Variants in NCAM1 observed in about 807,000 individuals in gnomAD.
The protein encoded by NCAM1 is neural cell adhesion molecule 1, also known as antigen recognized by monoclonal antibody 5.1H11.
Under a neutral mutation model 109.8 loss-of-function variants are expected in NCAM1, and 14 were observed. That is an observed-to-expected ratio of 0.13 (90% CI 0.08 to 0.20). The LOEUF (loss-of-function observed/expected upper bound fraction) is 0.20, where lower values mean the gene tolerates loss of function less well. NCAM1 is among the 10% of genes least tolerant of loss of function. The pLI, the probability that NCAM1 is intolerant of heterozygous loss-of-function variation, is 1.00. For synonymous variants in NCAM1, 418 were observed against 442.9 expected (o/e 0.94, Z 0.70); for missense variants, 774 against 1,109.9 (o/e 0.70, Z 4.30).
chr11:113,137,548 C>G (rs1941645174), intron 1 of NCAM1, among the ~76,000 whole-genome samples: 1 of 152,158 alleles, frequency 6.6e-6, no homozygotes, highest in African/African-American at 2.4e-5. Context: ...TAAGACATCT[C>G]CAAAAATATG....
At chr11:112,973,721 A>G (rs531727349) in intron 1 of NCAM1, among the ~76,000 whole-genome samples, 1 of 152,212 alleles carries the variant, frequency 6.6e-6, no homozygotes, top group South Asian at 2.1e-4. Context: ...TTTTTCCCAT[A>G]TCCTTTCTTT....
chr11:113,263,030 T>A (rs1430758309), intron 17 of NCAM1: 1 of 1,518,596 alleles, frequency 6.6e-7, no homozygotes, highest in Non-Finnish European at 8.8e-7. Context: ...CCACAGCTGC[T>A]GAGCAACCAT....
In NCAM1 at chr11:113,092,706, A is replaced by C. The variant is rs797030490; in HGVS notation, c.53-109673A>C. ...TTGCTTATTAATTGAGGGCTACAGAATCAAGATTGTATGGACTAGGTGTAG... is the reference window on the plus strand; with the variant it reads ...TTGCTTATTAATTGAGGGCTACAGACTCAAGATTGTATGGACTAGGTGTAG... On this transcript the variant is annotated intron_variant, in intron 1 of 19. Transcript: ENST00000316851. Among the ~76,000 whole-genome samples the C allele has an allele frequency of 5.9e-5, 9 of 152,180 alleles. No homozygotes were observed. In the South Asian group the frequency reaches 1.9e-3, roughly 32 times the overall value.
At chr11:113,086,450 A>G (rs1332234593) in intron 1 of NCAM1, among the ~76,000 whole-genome samples, 18 of 152,226 alleles carry the variant, frequency 1.2e-4, no homozygotes, top group African/African-American at 4.3e-4. Context: ...ATCGGTGGAC[A>G]TATATTGGGA....
chr11:113,036,971 C>T (rs1291034142), intron 1 of NCAM1, among the ~76,000 whole-genome samples: 1 of 152,090 alleles, frequency 6.6e-6, no homozygotes, highest in Non-Finnish European at 1.5e-5. Flanking sequence ...TTTCACTGTG[C>T]TTTTTCCATT....
intron 1 of NCAM1, among the ~76,000 whole-genome samples, chr11:113,059,723 G>A (rs1034593415): frequency 6.6e-6 from 1 of 152,276 alleles, no homozygotes; most frequent in African/African-American, 2.4e-5. Flanking sequence ...CACAGGGCCC[G>A]CCTCTTGATG....
chr11:113,267,734 G>A (rs1438572526), intron 17 of NCAM1, among the ~76,000 whole-genome samples: 1 of 152,198 alleles, frequency 6.6e-6, no homozygotes, highest in Non-Finnish European at 1.5e-5. Flanking sequence ...CCACAGTTCA[G>A]AAGCCTTTTC....
intron 9 of NCAM1, among the ~76,000 whole-genome samples, chr11:113,225,971 C>T (rs1323030907): frequency 2.6e-5 from 4 of 152,160 alleles, no homozygotes; most frequent in Non-Finnish European, 5.9e-5. Context: ...CCAGCCACTG[C>T]AAAAACATGC....
chr11:112,980,196 A>G (rs1490543240), intron 1 of NCAM1, among the ~76,000 whole-genome samples: 4 of 151,936 alleles, frequency 2.6e-5, no homozygotes, highest in African/African-American at 9.6e-5. Context: ...GGTAACAGCA[A>G]GTATTAATAA....
intron 1 of NCAM1, among the ~76,000 whole-genome samples, chr11:113,121,537 C>CAAAAAAAAAAA (rs3051887): frequency 4.3e-5 from 4 of 92,414 alleles, no homozygotes; most frequent in South Asian, 4.4e-4. Context: ...ACCAATCTTA[C>CAAAAAAAAAAA]AAAAAAAAAA....
At chr11:113,172,394 C>G (rs1430040824) in intron 1 of NCAM1, among the ~76,000 whole-genome samples, 1 of 152,172 alleles carries the variant, frequency 6.6e-6, no homozygotes, top group Non-Finnish European at 1.5e-5. Flanking sequence ...CCAGCAGTCC[C>G]CCTCCCCTCC....
intron 1 of NCAM1, among the ~76,000 whole-genome samples, chr11:113,155,589 A>G (rs1591372481): frequency 6.6e-6 from 1 of 152,170 alleles, no homozygotes; most frequent in Admixed American, 6.6e-5. Flanking sequence ...GGTAGAGTGC[A>G]AGTGATAGCC....
chr11:113,128,906 GGTGTGTGTGTGTGTGTGTGTGT>G (rs782123739), intron 1 of NCAM1, among the ~76,000 whole-genome samples: 1 of 84,836 alleles, frequency 1.2e-5, no homozygotes, highest in African/African-American at 3.2e-5. Context: ...AAGTTGTGAG[GGTGTGTGTGTGTGTGTGTGTGT>G]GTGTGTGTGT....
chr11:112,978,270 G>A (rs1555068031), intron 1 of NCAM1, among the ~76,000 whole-genome samples: 1 of 151,802 alleles, frequency 6.6e-6, no homozygotes, highest in Non-Finnish European at 1.5e-5. Flanking sequence ...TGGGAGTGGG[G>A]TGAGATGAGG....
At chr11:113,152,875 A>AC (rs1942272333) in intron 1 of NCAM1, among the ~76,000 whole-genome samples, 1 of 152,078 alleles carries the variant, frequency 6.6e-6, no homozygotes, top group Non-Finnish European at 1.5e-5. Context: ...CTGGGATAGC[A>AC]AGCCATTGCA....
chr11:113,265,075 A>G (rs189534447), intron 17 of NCAM1: 487 of 985,414 alleles, frequency 4.9e-4, no homozygotes, highest in South Asian at 1.5e-3. Flanking sequence ...GACTATTTAT[A>G]CAGCAGGTTT....
intron 1 of NCAM1, among the ~76,000 whole-genome samples, chr11:113,123,731 G>A (rs1430073003): frequency 6.6e-6 from 1 of 152,216 alleles, no homozygotes; most frequent in Non-Finnish European, 1.5e-5. Context: ...GAGATACAAT[G>A]TCAACCCGGC....
intron 1 of NCAM1, among the ~76,000 whole-genome samples, chr11:113,113,893 A>G (rs942913597): frequency 2.0e-5 from 3 of 152,218 alleles, no homozygotes; most frequent in Non-Finnish European, 4.4e-5. Flanking sequence ...ATCCAGGAAG[A>G]GGACTGGTGC....
chr11:113,153,929 GTTTA>G (rs1162317018), intron 1 of NCAM1, among the ~76,000 whole-genome samples: 1 of 152,156 alleles, frequency 6.6e-6, no homozygotes, highest in African/African-American at 2.4e-5. Context: ...GGCATTGTTT[GTTTA>G]TTTATTCAGT....
Sources: gnomAD v4.1 joint callset for allele counts (sites outside exome capture counted in the v4.1 genomes callset) on GRCh38, gnomAD v4.1.1 for gene constraint, MANE v1.5 for transcripts, NCBI Gene and HGNC (gene_info 2026-07-23, HGNC 2026-07-21) for gene names.